Variants in CDHR5 observed in about 807,000 individuals in gnomAD.
The protein encoded by CDHR5 is cadherin-related family member 5.
A neutral mutation model predicts 69.5 loss-of-function variants in CDHR5; 82 were observed. The observed-to-expected ratio is 1.18, with a 90% CI of 0.99 to 1.42. The LOEUF (loss-of-function observed/expected upper bound fraction) is 1.42, where lower values mean the gene tolerates loss of function less well. Ranked by LOEUF, CDHR5 falls within the 40% of genes most tolerant of loss-of-function variation. The probability of loss-of-function intolerance (pLI) is 0.00; values close to 1 mark genes in which losing one functional copy is unlikely to be tolerated. For missense variants in CDHR5, 1,293 were observed against 1,168.9 expected (o/e 1.11, Z -1.55); for synonymous variants, 601 against 510.2 (o/e 1.18, Z -2.40).
At chr11:619,234 A>G (rs1227049290) in intron 12 of CDHR5, 54 bp from the exon 13 acceptor site, 23 of 1,364,744 alleles carry the variant, frequency 1.7e-5, no homozygotes, top group East Asian at 2.3e-5. Context: ...TTGCACACCT[A>G]CCGCGGGAAA....
At position 619,172 on chromosome 11, in the gene CDHR5, G is replaced by A; in HGVS notation, c.1387C>T (p.Pro463Ser). The A allele has an allele frequency of 6.5e-7, 1 of 1,543,216 alleles. No individual in the cohort carries two copies. The highest frequency in any genetic ancestry group is 8.7e-7 in the Non-Finnish European group (1 of 1,145,590). The change falls in exon 13 of 15, where the codon CCA becomes TCA. Residue 463 changes from proline to serine, a missense_variant. Physicochemically the swap from Pro to Ser is moderately conservative, Grantham distance 74. Coordinates refer to ENST00000397542, the MANE Select transcript of CDHR5 (RefSeq NM_021924.5). ...GTTGTTCCTCCAGCCTCTGGGGATG[G>A]GGGGACATCTGGGGGCCGGGAACAG... ...EQEPPSTDVP[P>S]SPEAGGTTGP... is the part of the protein sequence containing the mutation.
chr11:617,603 G>T lies in CDHR5; in HGVS notation c.2286C>A (p.Pro762=), dbSNP rs745736724. 4 of 1,602,888 alleles carry T rather than the reference G, an allele frequency of 2.5e-6. No homozygotes were observed. The highest frequency in any genetic ancestry group is 1.1e-5 in the South Asian group (1 of 90,398). The change falls in exon 15 of 15, where the codon CCC becomes CCA. Residue 762 remains proline (P), a synonymous_variant. Coordinates refer to ENST00000397542, the MANE Select transcript of CDHR5 (RefSeq NM_021924.5). ...PASPGGAPEP[P]AAARAGGSPT... ...GGCTTCCGCCAGCTCGGGCCGCTGCGGGGGGCTCAGGGGCACCGCCTGGGG... is the reference window on the plus strand; with the variant it reads ...GGCTTCCGCCAGCTCGGGCCGCTGCTGGGGGCTCAGGGGCACCGCCTGGGG...
In CDHR5 at chr11:619,757, C is replaced by G; in HGVS notation, c.1103G>C (p.Gly368Ala). ...TGCATCCTTGACCACAACGCCCGCT[C>G]CAGCGCCACGCGCCACGGTGCCACG... is the stretch of plus-strand genomic sequence containing the variant. ...LYRGTVARGA[G>A]AGVVVKDAAA... The change falls in exon 10 of 15, where the codon GGA becomes GCA. Residue 368 changes from glycine to alanine, a missense_variant. By Grantham distance (60) the Gly-to-Ala change is moderately conservative (BLOSUM62 0). Transcript: ENST00000397542. The G allele has an allele frequency of 3.7e-6, 6 of 1,611,822 alleles. No individual in the cohort carries two copies. Among genetic ancestry groups the G allele is most frequent in the African/African-American group, 1.3e-5 (1 of 75,064 alleles).
At position 621,314 on chromosome 11, in the gene CDHR5, G is replaced by A; in HGVS notation, c.618+31C>T. 3 of 1,611,694 alleles carry A rather than the reference G, an allele frequency of 1.9e-6. No individual in the cohort carries two copies. Among genetic ancestry groups the A allele is most frequent in the Non-Finnish European group, 2.5e-6 (3 of 1,178,528 alleles). On this transcript the variant is annotated intron_variant, in intron 6 of 14. Coordinates refer to ENST00000397542, the MANE Select transcript of CDHR5 (RefSeq NM_021924.5). This position sits in a 1 kb window ranked among gnomAD's most constrained non-coding sequence, Gnocchi z 4.4. ...GCTGGGGCCGGGGGGCCTCAAGTGT[G>A]TGGGACTCGGGGCTGGGGTGACCTG...
At position 617,400 on chromosome 11, in the gene CDHR5, C is replaced by T. The variant is rs773610074; in HGVS notation, c.2489G>A (p.Arg830Lys). Residue 830 changes from arginine (R) to lysine (K), a missense_variant, in exon 15 of 15, where the codon AGG (arginine) becomes AAG (lysine). By Grantham distance (26) the Arg-to-Lys change is conservative. Coordinates refer to ENST00000397542, the MANE Select transcript of CDHR5 (RefSeq NM_021924.5). The stretch of plus-strand genomic sequence containing the variant: ...GGGCGCATCGTAGGGACCCCCACCC[C>T]TCCCCGCGCCCTCGCCCTCATCGCC... ...GSGDEGEGAG[R>K]GGGPYDAPGG... 22 of 1,610,124 alleles carry T rather than the reference C, an allele frequency of 1.4e-5. No homozygotes were observed. In the South Asian group the frequency reaches 2.0e-4, roughly 14 times the overall value.
rs902315619 is a variant in CDHR5 at position 617,238 on chromosome 11, C to T, written c.*113G>A. 6 of 839,458 alleles carry T rather than the reference C, an allele frequency of 7.1e-6. No homozygotes were observed. The East Asian group carries it at 8.0e-5, about 11-fold the overall frequency. 52.0% of individuals were successfully genotyped at this position (839,458 alleles called of 1,614,324 possible). On this transcript the variant is annotated 3_prime_UTR_variant, in exon 15 of 15. Transcript: ENST00000397542. ...GACCCCCATGGACCCGCGCGCCTGC[C>T]CCACGCCATGGCCTGGGTTTCGGGA...
At chr11:622,904 G>C (rs779402527) in intron 3 of CDHR5, among the ~76,000 whole-genome samples, 31 of 152,192 alleles carry the variant, frequency 2.0e-4, no homozygotes, top group Non-Finnish European at 3.1e-4. Context: ...ACAATTGTTT[G>C]TTTGAATCAG....
In CDHR5 at chr11:619,318, G is replaced by T. The variant is rs762977239; in HGVS notation, c.1366C>A (p.Pro456Thr). 2 of 1,610,708 alleles carry T rather than the reference G, an allele frequency of 1.2e-6. No homozygotes were observed. Among genetic ancestry groups the T allele is most frequent in the South Asian group, 2.2e-5 (2 of 90,988 alleles). ...GAGGGGGGCTTACCTGTGGAGGGGGGCTCCTGTTCGGAAACTTGTATCTCA... is the reference window on the plus strand; with the variant it reads ...GAGGGGGGCTTACCTGTGGAGGGGGTCTCCTGTTCGGAAACTTGTATCTCA... ...VIEIQVSEQE[P>T]PSTDVPPSPE... The change falls in exon 12 of 15, where the codon CCC becomes ACC. Residue 456 changes from proline (P) to threonine (T), a missense_variant. Pro to Thr is a conservative substitution (Grantham distance 38). Transcript: ENST00000397542.
intron 3 of CDHR5, among the ~76,000 whole-genome samples, chr11:623,896 T>G (rs993531102): frequency 2.7e-5 from 4 of 148,414 alleles, no homozygotes; most frequent in Non-Finnish European, 6.0e-5. Flanking sequence ...GGGGGACACG[T>G]GGGGAGGGAG....
Position 618,087 on chromosome 11 carries a change from C to CA in CDHR5, c.1984_1985insT (p.Arg662LeufsTer53), listed in dbSNP as rs773175382. On this transcript the variant is annotated frameshift_variant, in exon 14 of 15. Transcript: ENST00000397542. LOFTEE classifies it high-confidence loss of function. Reference sequence around the variant, plus strand: ...GGCCGCCATATCCACCACCGAGAAGCGCTTGTCCTCCGAGGGGCCGCCACC... The same window carrying CA: ...GGCCGCCATATCCACCACCGAGAAGCAGCTTGTCCTCCGAGGGGCCGCCACC... The CA allele has an allele frequency of 6.2e-7, 1 of 1,610,950 alleles. No individual in the cohort carries two copies. Among genetic ancestry groups the CA allele is most frequent in the Non-Finnish European group, 8.5e-7 (1 of 1,178,972 alleles).
In CDHR5 at chr11:617,778, C is replaced by G. The variant is rs779874989; in HGVS notation, c.2119-8G>C. ...GCCTTGGGGCTGGGGCTCCTGCAGG[C>G]GGGAGTCGAGGCGTCAGCGGGGTCC... is the stretch of plus-strand genomic sequence containing the variant. On this transcript the variant is annotated splice_region_variant and splice_polypyrimidine_tract_variant and intron_variant, in intron 14 of 14. Transcript: ENST00000397542. 1.4e-6 allele frequency: 2 copies of G among 1,449,938 alleles called. No individual in the cohort carries two copies. Among genetic ancestry groups the G allele is most frequent in the Non-Finnish European group, 9.0e-7 (1 of 1,107,642 alleles). The allele number at this position is 1,449,938 out of a possible 1,614,324, so 89.8% of individuals were successfully genotyped here. A position where few individuals can be genotyped will look rare whatever the true frequency, so the allele number is the denominator to read the frequency against.
rs116701684 is a variant in CDHR5, at chr11:621,329, G to A, written c.618+16C>T. The A allele has an allele frequency of 1.2e-3, 1,882 of 1,611,816 alleles. 17 individuals are homozygous for A. The African/African-American group carries it at 0.022, about 19-fold the overall frequency. On this transcript the variant is annotated intron_variant, in intron 6 of 14. Transcript: ENST00000397542. This position sits in a 1 kb window ranked among gnomAD's most constrained non-coding sequence, Gnocchi z 4.4. ...CCTCAAGTGTGTGGGACTCGGGGCT[G>A]GGGTGACCTGCTCACCCGCACCAGC...
chr11:620,195 G>GC, intron 8 of CDHR5, 31 bp from the exon 9 acceptor site: 3 of 1,596,152 alleles, frequency 1.9e-6, no homozygotes, highest in Non-Finnish European at 2.6e-6. Flanking sequence ...CTCAGCCCCG[G>GC]CCCCCTGAGG....
Position 618,993 on chromosome 11 carries a change from CG to C in CDHR5, c.1565del (p.Pro522ArgfsTer253), listed in dbSNP as rs746645774. ...GGTGGGAGGTGCTGTTTTCTGCACC[CG>C]GGGGCCCCCCGGGTGTGGACGAGGT... ...PPTSSTPGGP[P>X]GAENSTSHQP... On this transcript the variant is annotated frameshift_variant, in exon 13 of 15. Transcript: ENST00000397542. LOFTEE classifies it high-confidence loss of function. The C allele has an allele frequency of 7.4e-6, 12 of 1,612,940 alleles. No individual in the cohort carries two copies. In the South Asian group the frequency reaches 8.8e-5, roughly 12 times the overall value.
Position 617,704 on chromosome 11 carries a change from C to CG in CDHR5, c.2184dup (p.Val729ArgfsTer32). ...TTGGGGTCGTGCGTGGGGCTGGGGA[C>CG]GGGCGCCCAGTTGGCCTTGTGGTCA... On this transcript the variant is annotated frameshift_variant, in exon 15 of 15. Transcript: ENST00000397542. LOFTEE classifies it low-confidence loss of function (END_TRUNC). 6.8e-7 allele frequency: 1 copy of CG among 1,461,310 alleles called. No individual in the cohort carries two copies. The highest frequency in any genetic ancestry group is 9.0e-7 in the Non-Finnish European group (1 of 1,114,248). The allele number at this position is 1,461,310 out of a possible 1,614,324, so 90.5% of individuals were successfully genotyped here. A position where few individuals can be genotyped will look rare whatever the true frequency, so the allele number is the denominator to read the frequency against.
chr11:621,093 G>A lies in CDHR5; in HGVS notation c.776C>T (p.Thr259Met), dbSNP rs199760609. 87 of 1,536,122 alleles carry A rather than the reference G, an allele frequency of 5.7e-5. No homozygotes were observed. The highest frequency in any genetic ancestry group is 7.2e-5 in the Non-Finnish European group (82 of 1,138,516). ...IQAQYHGAVP[T>M]GHILPSPLVL... ...CCTCCCCATTACCAGTATGTGCCCC[G>A]TGGGGACAGCCCCGTGGTACTGAGC... The change falls in exon 7 of 15, where the codon ACG (threonine) becomes ATG (methionine). Residue 259 changes from threonine to methionine, a missense_variant. Coordinates refer to ENST00000397542, the MANE Select transcript of CDHR5 (RefSeq NM_021924.5). This position sits in a 1 kb window ranked among gnomAD's most constrained non-coding sequence, Gnocchi z 4.4.
rs781529000 is a variant in CDHR5, at chr11:621,713, C to T, written c.406-50G>A. 3 of 1,551,880 alleles carry T rather than the reference C, an allele frequency of 1.9e-6. No homozygotes were observed. The highest frequency in any genetic ancestry group is 4.5e-5 in the East Asian group (2 of 44,592). ...CGGCCACACTCTTGGCCCCTGTGGA[C>T]CCCCACTGTGGTTGAGCCCCCGGCC... On this transcript the variant is annotated intron_variant, in intron 4 of 14. Coordinates refer to ENST00000397542, the MANE Select transcript of CDHR5 (RefSeq NM_021924.5). The surrounding 1 kb of genome is among the most constrained non-coding windows in gnomAD (Gnocchi z 4.4).
chr11:622,318 T>G lies in CDHR5; in HGVS notation c.313-414A>C, dbSNP rs140062966. 6.3e-4 allele frequency among the ~76,000 whole-genome samples: 96 copies of G among 152,088 alleles called. No homozygotes were observed. In the East Asian group the frequency reaches 0.018, roughly 29 times the overall value. On this transcript the variant is annotated intron_variant, in intron 3 of 14. Coordinates refer to ENST00000397542, the MANE Select transcript of CDHR5 (RefSeq NM_021924.5). Reference sequence around the variant, plus strand: ...ATAACAACAGACAAAAAGGACTTTATAAAGCCAGGAGGTGGCAGGTGCTCC... The same window carrying G: ...ATAACAACAGACAAAAAGGACTTTAGAAAGCCAGGAGGTGGCAGGTGCTCC...
chr11:619,222 CCTTGCACACCTA>C (rs756817720), intron 12 of CDHR5, 42 bp from the exon 13 acceptor site: 2 of 1,467,862 alleles, frequency 1.4e-6, no homozygotes, highest in African/African-American at 1.4e-5. Context: ...TCTGCCCGCC[CCTTGCACACCTA>C]CCGCGGGAAA....
Sources: allele counts gnomAD v4.1 joint callset (sites outside exome capture counted in the v4.1 genomes callset), GRCh38; gene constraint gnomAD v4.1.1; non-coding constraint Gnocchi (gnomAD v3.1); transcripts MANE v1.5; gene names NCBI Gene and HGNC (gene_info 2026-07-23, HGNC 2026-07-21).